Variants in CADPS2 observed in about 807,000 individuals in gnomAD.
CADPS2 encodes calcium-dependent secretion activator 2.
A neutral mutation model predicts 172.5 loss-of-function variants in CADPS2; 93 were observed. That is an observed-to-expected ratio of 0.54 (90% CI 0.46 to 0.64). The LOEUF is 0.64. Among genes scored for constraint, CADPS2 ranks in the 30% least tolerant of loss-of-function variants. CADPS2 has a pLI of 0.00. For missense variants in CADPS2, 1,420 were observed against 1,565.9 expected (o/e 0.91, Z 1.57); for synonymous variants, 546 against 555.2 (o/e 0.98, Z 0.23).
intron 17 of CADPS2, among the ~76,000 whole-genome samples, chr7:122,435,952 T>C (rs1274703091): frequency 1.3e-5 from 2 of 152,110 alleles, no homozygotes; most frequent in East Asian, 3.9e-4. Context: ...GAACAGTCAC[T>C]GCTAGGGGCT....
At chr7:122,438,552 C>T (rs1481194745) in intron 16 of CADPS2, 88 bp from the exon 17 acceptor site, 2 of 1,434,782 alleles carry the variant, frequency 1.4e-6, no homozygotes, top group Non-Finnish European at 1.9e-6. Flanking sequence ...AAAATAAATA[C>T]TAAAGACAAA....
chr7:122,839,967 A>G (rs1426847294), intron 1 of CADPS2, among the ~76,000 whole-genome samples: 1 of 152,218 alleles, frequency 6.6e-6, no homozygotes, highest in Non-Finnish European at 1.5e-5. Context: ...ACCTCTATAA[A>G]GAGACATGCA....
Position 122,665,153 on chromosome 7 carries a change from A to C in CADPS2, c.454-1584T>G, listed in dbSNP as rs75628888. On this transcript the variant is annotated intron_variant, in intron 2 of 29. Coordinates refer to ENST00000449022, the MANE Select transcript of CADPS2 (RefSeq NM_017954.11). The stretch of plus-strand genomic sequence containing the variant: ...TATAGTGAAGTACTCCCAAGTTATG[A>C]TCATACTACTTGCACCACACTTCCA... Among the ~76,000 whole-genome samples the C allele has an allele frequency of 1.6e-3, 240 of 152,146 alleles. 1 individual carries two copies. Among genetic ancestry groups the C allele is most frequent in the Non-Finnish European group, 2.8e-3 (188 of 67,994 alleles).
chr7:122,527,503 C>T (rs750261320), intron 8 of CADPS2, among the ~76,000 whole-genome samples: 9 of 150,394 alleles, frequency 6.0e-5, no homozygotes, highest in Non-Finnish European at 8.9e-5. Flanking sequence ...TTTCTTTGCC[C>T]GAGTTCTGAA....
chr7:122,556,747 G>C (rs576463041), intron 7 of CADPS2, among the ~76,000 whole-genome samples: 1 of 152,164 alleles, frequency 6.6e-6, no homozygotes, highest in South Asian at 2.1e-4. Flanking sequence ...AATAAACACT[G>C]AGTTCTTACT....
At position 122,645,198 on chromosome 7, in the gene CADPS2, A is replaced by C. The variant is rs573861705; in HGVS notation, c.787-15870T>G. Among the ~76,000 whole-genome samples the C allele has an allele frequency of 1.2e-4, 18 of 144,494 alleles. No homozygotes were observed. In the South Asian group the frequency reaches 3.7e-3, roughly 29 times the overall value. The allele number at this position is 144,494 out of a possible 152,430, so 94.8% of individuals were successfully genotyped here. On this transcript the variant is annotated intron_variant, in intron 3 of 29. Transcript: ENST00000449022. ...ATATATTAAGTATATATATACACAT[A>C]TATGTATATACATAAGTATATATAT... is the stretch of plus-strand genomic sequence containing the variant.
chr7:122,321,165 T>G (rs1419126217), intron 29 of CADPS2, among the ~76,000 whole-genome samples: 1 of 151,986 alleles, frequency 6.6e-6, no homozygotes, highest in East Asian at 1.9e-4. Context: ...ATTGATTGAT[T>G]GACTGATTGA....
intron 28 of CADPS2, among the ~76,000 whole-genome samples, chr7:122,326,055 A>C (rs2150740576): frequency 6.7e-6 from 1 of 149,746 alleles, no homozygotes; most frequent in East Asian, 1.9e-4. Context: ...ACCTAAAATT[A>C]CATTTTAAAG....
In CADPS2 at chr7:122,393,535, C is replaced by G. The variant is rs370785550; in HGVS notation, c.2794G>C (p.Val932Leu). Residue 932 changes from valine (V) to leucine (L), a missense_variant, in exon 21 of 30, where the codon GTA becomes CTA. By Grantham distance (32) the Val-to-Leu change is conservative. Coordinates refer to ENST00000449022, the MANE Select transcript of CADPS2 (RefSeq NM_017954.11). ...TCCACATAGCGGACAACCAAGGGTACAAAGATTTCTTGCAAGTGTTTGTGA... is the reference window on the plus strand; with the variant it reads ...TCCACATAGCGGACAACCAAGGGTAGAAAGATTTCTTGCAAGTGTTTGTGA... ...KFHKHLQEIF[V>L]PLVVRYVDLM... The G allele has an allele frequency of 6.2e-7, 1 of 1,613,620 alleles. No individual in the cohort carries two copies. The highest frequency in any genetic ancestry group is 1.3e-5 in the African/African-American group (1 of 74,874).
At chr7:122,745,026 GGTATACAAA>G (rs1255267459) in intron 1 of CADPS2, among the ~76,000 whole-genome samples, 1 of 149,568 alleles carries the variant, frequency 6.7e-6, no homozygotes, top group Non-Finnish European at 1.5e-5. Flanking sequence ...AAACATTTAA[GGTATACAAA>G]GTATACAATG....
chr7:122,581,048 G>T, intron 7 of CADPS2, 131 bp downstream of exon 7: 1 of 636,422 alleles, frequency 1.6e-6, no homozygotes, highest in East Asian at 2.7e-5. Context: ...CTGGGCTTGT[G>T]GGAAATAACA....
At chr7:122,855,786 G>T (rs909206579) in intron 1 of CADPS2, among the ~76,000 whole-genome samples, 5 of 152,128 alleles carry the variant, frequency 3.3e-5, no homozygotes, top group Admixed American at 1.3e-4. Flanking sequence ...CATTGCAGAA[G>T]TCTCTTCCAC....
At chr7:122,663,102 A>C in intron 3 of CADPS2, 135 bp downstream of exon 3, 1 of 655,180 alleles carries the variant, frequency 1.5e-6, no homozygotes, top group Non-Finnish European at 2.6e-6. Context: ...TATGTGATCT[A>C]TTCAAATTCA....
intron 14 of CADPS2, among the ~76,000 whole-genome samples, chr7:122,460,861 G>C (rs2054352981): frequency 6.6e-6 from 1 of 152,160 alleles, no homozygotes; most frequent in Admixed American, 6.5e-5. Flanking sequence ...CAATAAGTGA[G>C]TGAAACAGTA....
intron 6 of CADPS2, among the ~76,000 whole-genome samples, chr7:122,590,852 C>T: frequency 6.6e-6 from 1 of 151,858 alleles, no homozygotes; most frequent in Middle Eastern, 3.4e-3. Flanking sequence ...AATACTATTT[C>T]CCTTAATTTT....
chr7:122,445,666 T>C (rs1285935206), intron 15 of CADPS2, among the ~76,000 whole-genome samples: 1 of 152,056 alleles, frequency 6.6e-6, no homozygotes. Flanking sequence ...AAAGAAAATA[T>C]TATCTGCGCA....
intron 1 of CADPS2, among the ~76,000 whole-genome samples, chr7:122,802,291 G>A (rs1013666342): frequency 2.0e-5 from 3 of 152,118 alleles, no homozygotes; most frequent in Admixed American, 6.5e-5. Context: ...GAGAAAAAAA[G>A]AAATACCAGA....
At chr7:122,492,902 T>C (rs563639876) in intron 9 of CADPS2, among the ~76,000 whole-genome samples, 15 of 152,228 alleles carry the variant, frequency 9.9e-5, no homozygotes, top group Middle Eastern at 3.4e-3. Flanking sequence ...TCTCTGTCTG[T>C]TACCTGGGCT....
At chr7:122,378,360 A>G (rs1414185432) in intron 25 of CADPS2, among the ~76,000 whole-genome samples, 1 of 152,150 alleles carries the variant, frequency 6.6e-6, no homozygotes, top group Non-Finnish European at 1.5e-5. Flanking sequence ...ATACTCCCCT[A>G]TGTAGGAAAG....
Sources: gnomAD v4.1 joint callset for allele counts (sites outside exome capture counted in the v4.1 genomes callset) on GRCh38, gnomAD v4.1.1 for gene constraint, MANE v1.5 for transcripts, NCBI Gene and HGNC (gene_info 2026-07-23, HGNC 2026-07-21) for gene names.